ADGRB3: variants seen among roughly 807,000 people sequenced by gnomAD.
ADGRB3 encodes the protein brain-specific angiogenesis inhibitor 3.
Under a neutral mutation model 193.4 loss-of-function variants are expected in ADGRB3, and 37 were observed. The observed-to-expected ratio is 0.19, with a 90% CI of 0.15 to 0.25. The LOEUF (loss-of-function observed/expected upper bound fraction) is 0.25. ADGRB3 is among the 10% of genes least tolerant of loss of function. The pLI, the probability that ADGRB3 is intolerant of heterozygous loss-of-function variation, is 1.00. For synonymous variants in ADGRB3, 690 were observed against 644.2 expected (o/e 1.07, Z -1.08); for missense variants, 1,637 against 1,852.9 (o/e 0.88, Z 2.14).
At chr6:69,084,913 T>A (rs1013713315) in intron 17 of ADGRB3, among the ~76,000 whole-genome samples, 1 of 152,086 alleles carries the variant, frequency 6.6e-6, no homozygotes, top group Non-Finnish European at 1.5e-5. Flanking sequence ...GCATGAGTTG[T>A]TTGGAAGTTG....
chr6:69,227,502 A>G (rs1306255318), intron 17 of ADGRB3, among the ~76,000 whole-genome samples: 1 of 152,218 alleles, frequency 6.6e-6, no homozygotes, highest in Non-Finnish European at 1.5e-5. Flanking sequence ...AACACAATGA[A>G]GAGATTATCC....
chr6:68,853,750 A>G (rs1370730586), intron 3 of ADGRB3, among the ~76,000 whole-genome samples: 1 of 152,158 alleles, frequency 6.6e-6, no homozygotes, highest in East Asian at 1.9e-4. Context: ...CTTGCAAAAA[A>G]AAAGTAAAAC....
intron 17 of ADGRB3, among the ~76,000 whole-genome samples, chr6:69,184,320 T>G (rs1161356555): frequency 1.3e-5 from 2 of 152,104 alleles, no homozygotes; most frequent in Non-Finnish European, 2.9e-5. Flanking sequence ...ATAGTTAGCC[T>G]TTTCTCATAT....
intron 13 of ADGRB3, among the ~76,000 whole-genome samples, chr6:69,025,128 A>G (rs900843485): frequency 3.3e-5 from 5 of 151,914 alleles, no homozygotes; most frequent in Non-Finnish European, 7.4e-5. Context: ...AATAAAATAA[A>G]ATAAATATTA....
intron 3 of ADGRB3, among the ~76,000 whole-genome samples, chr6:68,850,286 G>A (rs555191969): frequency 6.6e-6 from 1 of 151,766 alleles, no homozygotes; most frequent in Admixed American, 6.6e-5. Flanking sequence ...CTCAAGAAGG[G>A]CACCTGAGTA....
chr6:69,122,339 C>T (rs1386216019), intron 17 of ADGRB3, among the ~76,000 whole-genome samples: 1 of 151,422 alleles, frequency 6.6e-6, no homozygotes, highest in East Asian at 2.0e-4. Context: ...ATCCCAGGCA[C>T]TCGGCAGGCT....
intron 17 of ADGRB3, among the ~76,000 whole-genome samples, chr6:69,169,522 TATC>T (rs894932319): frequency 9.3e-5 from 14 of 149,876 alleles, no homozygotes; most frequent in Middle Eastern, 3.5e-3. Flanking sequence ...ATTATATAAT[TATC>T]ATAATTAAAT....
chr6:69,097,454 AT>A (rs1772914931), intron 17 of ADGRB3, among the ~76,000 whole-genome samples: 1 of 152,122 alleles, frequency 6.6e-6, no homozygotes. Context: ...AATAAGAAGG[AT>A]TTTCTGGGTA....
chr6:69,109,946 ATT>A (rs33959992), intron 17 of ADGRB3, among the ~76,000 whole-genome samples: 51,500 of 129,324 alleles, frequency 0.4, 9,267 homozygotes, highest in East Asian at 0.74. Context: ...GCCTTCTTTA[ATT>A]TTTTTTTTTT....
intron 20 of ADGRB3, among the ~76,000 whole-genome samples, chr6:69,280,471 G>A (rs1197092780): frequency 6.6e-6 from 1 of 152,132 alleles, no homozygotes; most frequent in Non-Finnish European, 1.5e-5. Flanking sequence ...TTTCTTATCT[G>A]TGTGACCTCG....
At chr6:69,086,309 C>T (rs1258206320) in intron 17 of ADGRB3, among the ~76,000 whole-genome samples, 3 of 152,032 alleles carry the variant, frequency 2.0e-5, no homozygotes, top group Non-Finnish European at 4.4e-5. Context: ...CTACTTTGTA[C>T]AAGTGGTTGT....
Position 69,327,782 on chromosome 6 carries a change from T to C in ADGRB3, c.2966-38T>C, listed in dbSNP as rs541789943. 1.9e-6 allele frequency: 3 copies of C among 1,591,438 alleles called. No individual in the cohort carries two copies. In the African/African-American group the frequency reaches 4.0e-5, roughly 21 times the overall value. On this transcript the variant is annotated intron_variant, in intron 21 of 31. Coordinates refer to ENST00000370598, the MANE Select transcript of ADGRB3 (RefSeq NM_001704.3). ...CTTAGACCAGTATGCATAGTGGTTA[T>C]AGCTAAATATGAATGCGTGACATTG...
At chr6:68,638,439 G>T (rs1252524295) in intron 2 of ADGRB3, among the ~76,000 whole-genome samples, 1 of 152,140 alleles carries the variant, frequency 6.6e-6, no homozygotes, top group African/African-American at 2.4e-5. Flanking sequence ...TTTTTAAATT[G>T]AATGTTGCGA....
At chr6:68,637,811 T>C (rs1294189223) in intron 2 of ADGRB3, among the ~76,000 whole-genome samples, 2 of 152,246 alleles carry the variant, frequency 1.3e-5, no homozygotes, top group East Asian at 3.9e-4. Flanking sequence ...GATTTTTTTT[T>C]TTTTTAACTG....
intron 8 of ADGRB3, among the ~76,000 whole-genome samples, chr6:68,957,542 A>G (rs1768108308): frequency 6.6e-6 from 1 of 152,200 alleles, no homozygotes; most frequent in Non-Finnish European, 1.5e-5. Flanking sequence ...ATATAGTGCC[A>G]ACGTGCTGAA....
At chr6:68,964,049 C>T (rs1375276453) in intron 8 of ADGRB3, among the ~76,000 whole-genome samples, 2 of 152,050 alleles carry the variant, frequency 1.3e-5, no homozygotes, top group Non-Finnish European at 2.9e-5. Context: ...TTTGCAATGA[C>T]TCTGATGTTA....
intron 3 of ADGRB3, among the ~76,000 whole-genome samples, chr6:68,754,107 C>T (rs1446116457): frequency 6.6e-6 from 1 of 152,062 alleles, no homozygotes; most frequent in Admixed American, 6.5e-5. Flanking sequence ...AGTTAGCAAG[C>T]AAGATTAACT....
chr6:68,834,456 A>G (rs1193694089), intron 3 of ADGRB3, among the ~76,000 whole-genome samples: 1 of 152,140 alleles, frequency 6.6e-6, no homozygotes. Flanking sequence ...TGTTTATATA[A>G]TTTTCTATAA....
intron 3 of ADGRB3, among the ~76,000 whole-genome samples, chr6:68,772,894 A>AAAAAAAAT (rs1466813173): frequency 1.7e-4 from 4 of 22,888 alleles, no homozygotes; most frequent in African/African-American, 5.9e-4. Flanking sequence ...AAAAAAAAAA[A>AAAAAAAAT]ATATATATAT....
Sources: allele counts gnomAD v4.1 joint callset (sites outside exome capture counted in the v4.1 genomes callset), GRCh38; gene constraint gnomAD v4.1.1; transcripts MANE v1.5; gene names NCBI Gene and HGNC (gene_info 2026-07-23, HGNC 2026-07-21).